Variants in CDKL4 observed in about 807,000 individuals in gnomAD.
CDKL4 encodes cyclin dependent kinase like 4.
A neutral mutation model predicts 42.0 loss-of-function variants in CDKL4; 44 were observed. That is an observed-to-expected ratio of 1.05 (90% CI 0.82 to 1.35). The LOEUF (loss-of-function observed/expected upper bound fraction) is 1.35, where lower values mean the gene tolerates loss of function less well. CDKL4 is among the 40% of genes most tolerant of loss of function. CDKL4 has a pLI of 0.00. For synonymous variants in CDKL4, 120 were observed against 121.6 expected, an observed-to-expected ratio of 0.99 and a Z score of 0.09; for missense variants, 393 against 369.9, an observed-to-expected ratio of 1.06 and a Z score of -0.51.
chr2:39,230,191 C>T (rs940389882), intron 1 of CDKL4, among the ~76,000 whole-genome samples: 3 of 152,210 alleles, frequency 2.0e-5, no homozygotes, highest in Non-Finnish European at 4.4e-5. Flanking sequence ...ACCAGCCTAA[C>T]CAATATGGAG....
At chr2:39,175,544 A>G (rs1295945889), downstream of CDKL4, 1 of 155,826 alleles carries the variant, frequency 6.4e-6, no homozygotes, top group African/African-American at 2.4e-5. Context: ...AGCATTACTC[A>G]ACAGACCTGG....
At position 39,232,797 on chromosome 2, in the gene CDKL4, G is replaced by T. The variant is rs576765199; in HGVS notation, c.-56-3209C>A. Among the ~76,000 whole-genome samples the T allele has an allele frequency of 1.2e-4, 19 of 152,188 alleles. No homozygotes were observed. In the South Asian group the frequency reaches 3.9e-3, roughly 32 times the overall value. ...GTGGTGGCTCACTCCTGTAATCCCG[G>T]CACTTTGGGAGGCTGAGGCGGGCGG... is the stretch of plus-strand genomic sequence containing the variant. On this transcript the variant is annotated intron_variant, in intron 1 of 9. Transcript: ENST00000451199.
chr2:39,177,696 A>G (rs1675223747), intron 9 of CDKL4, among the ~76,000 whole-genome samples: 1 of 138,638 alleles, frequency 7.2e-6, no homozygotes, highest in Admixed American at 7.7e-5. Flanking sequence ...ATTTATTTTT[A>G]TTATTATTTT....
Position 39,175,900 on chromosome 2 carries a change from T to C in CDKL4, c.*95A>G, listed in dbSNP as rs890770314. ...ATTCTAGAAGGCATCTTAATTTTCA[T>C]ATGGCTCATTTGCATTTGAAACACT... On this transcript the variant is annotated 3_prime_UTR_variant, in exon 10 of 10. Transcript: ENST00000451199. 2.3e-5 allele frequency: 9 copies of C among 390,908 alleles called. 1 individual carries two copies. The highest frequency in any genetic ancestry group is 3.8e-4 in the Middle Eastern group (1 of 2,622). The allele number at this position is 390,908 out of a possible 1,614,324, so 24.2% of individuals were successfully genotyped here. A position where few individuals can be genotyped will look rare whatever the true frequency, so the allele number is the denominator to read the frequency against.
At chr2:39,180,545 C>T (rs950879027) in intron 8 of CDKL4, among the ~76,000 whole-genome samples, 5 of 152,342 alleles carry the variant, frequency 3.3e-5, no homozygotes, top group Admixed American at 6.5e-5. Flanking sequence ...ACTAGACTTA[C>T]TGGTCCCTCC....
intron 3 of CDKL4, among the ~76,000 whole-genome samples, chr2:39,225,321 C>T (rs979510674): frequency 1.3e-5 from 2 of 151,766 alleles, no homozygotes; most frequent in East Asian, 1.9e-4. Flanking sequence ...CAGAGAACTG[C>T]TTGAACCCAG....
chr2:39,240,229 G>C (rs1679592624), intron 1 of CDKL4, among the ~76,000 whole-genome samples: 1 of 147,644 alleles, frequency 6.8e-6, no homozygotes, highest in Non-Finnish European at 1.5e-5. Context: ...GGCCAACATG[G>C]TGACACCCCG....
intron 8 of CDKL4, among the ~76,000 whole-genome samples, chr2:39,180,367 G>A (rs1675365666): frequency 6.6e-6 from 1 of 152,244 alleles, no homozygotes; most frequent in Admixed American, 6.5e-5. Flanking sequence ...TGCGTTGCCT[G>A]AGGCTGCCCC....
chr2:39,179,447 A>G, intron 8 of CDKL4, 126 bp from the exon 9 acceptor site: 1 of 723,232 alleles, frequency 1.4e-6, no homozygotes, highest in Middle Eastern at 2.5e-4. Context: ...GTGTATTATC[A>G]AGTAGTTGGA....
At chr2:39,245,563 C>T (rs1236787705), upstream of CDKL4, among the ~76,000 whole-genome samples, 2 of 152,242 alleles carry the variant, frequency 1.3e-5, no homozygotes, top group Non-Finnish European at 2.9e-5. Context: ...CCTGTAGCAT[C>T]AGGCTGTGAA....
At chr2:39,195,011 G>C (rs146751569) in intron 5 of CDKL4, among the ~76,000 whole-genome samples, 109 of 151,838 alleles carry the variant, frequency 7.2e-4, no homozygotes, top group Admixed American at 1.6e-3. Context: ...ATTCTTTTTT[G>C]TCTCCATGAA....
At chr2:39,185,728 T>TG (rs1446047271) in intron 7 of CDKL4, among the ~76,000 whole-genome samples, 3 of 152,000 alleles carry the variant, frequency 2.0e-5, no homozygotes, top group Non-Finnish European at 4.4e-5. Context: ...CCCAAAGTGC[T>TG]GGGATTACAG....
intron 5 of CDKL4, among the ~76,000 whole-genome samples, chr2:39,193,401 G>T (rs991588127): frequency 3.3e-5 from 5 of 150,836 alleles, no homozygotes; most frequent in African/African-American, 4.9e-5. Flanking sequence ...TTGAGATGGA[G>T]TTTCGCTCTT....
intron 1 of CDKL4, among the ~76,000 whole-genome samples, chr2:39,237,868 T>C (rs13408472): frequency 0.012 from 1,798 of 152,294 alleles, 22 homozygotes; most frequent in Non-Finnish European, 0.018. Flanking sequence ...TGAAGTAGGA[T>C]ACAAGATCAA....
chr2:39,210,494 T>C (rs1677525698), intron 4 of CDKL4, among the ~76,000 whole-genome samples: 1 of 152,140 alleles, frequency 6.6e-6, no homozygotes, highest in African/African-American at 2.4e-5. Flanking sequence ...CATCCAACCA[T>C]CCACCCATCC....
At chr2:39,194,534 G>C (rs1572963211) in intron 5 of CDKL4, among the ~76,000 whole-genome samples, 1 of 152,086 alleles carries the variant, frequency 6.6e-6, no homozygotes, top group East Asian at 1.9e-4. Context: ...GTGAAGAGTA[G>C]TATTTTAATG....
chr2:39,191,969 G>C (rs1279804680), intron 5 of CDKL4, among the ~76,000 whole-genome samples: 3 of 152,230 alleles, frequency 2.0e-5, no homozygotes, highest in Non-Finnish European at 2.9e-5. Context: ...AGGCAGCTCA[G>C]AAAGTAGCGG....
chr2:39,191,348 CA>C (rs1423581522), intron 5 of CDKL4, among the ~76,000 whole-genome samples: 1 of 152,100 alleles, frequency 6.6e-6, no homozygotes, highest in Non-Finnish European at 1.5e-5. Context: ...GAGCCGTGAT[CA>C]TGCCACTGCA....
intron 8 of CDKL4, among the ~76,000 whole-genome samples, chr2:39,180,971 G>C (rs1188385575): frequency 6.6e-6 from 1 of 152,238 alleles, no homozygotes; most frequent in Non-Finnish European, 1.5e-5. Flanking sequence ...ACAGGCGTGA[G>C]CCACTGCACC....
Sources: gnomAD v4.1 joint callset for allele counts (sites outside exome capture counted in the v4.1 genomes callset) on GRCh38, gnomAD v4.1.1 for gene constraint, MANE v1.5 for transcripts, NCBI Gene and HGNC (gene_info 2026-07-23, HGNC 2026-07-21) for gene names.